Variants in MBD5 observed in about 807,000 individuals in gnomAD.
The protein encoded by MBD5 is methyl-CpG binding domain protein 5.
Under a neutral mutation model 117.3 loss-of-function variants are expected in MBD5, and 13 were observed. That is an observed-to-expected ratio of 0.11 (90% CI 0.07 to 0.18). MBD5 has a LOEUF of 0.18. Among genes scored for constraint, MBD5 ranks in the 10% least tolerant of loss-of-function variants. MBD5 has a pLI of 1.00. For synonymous variants in MBD5, 727 were observed against 766.4 expected, an observed-to-expected ratio of 0.95 and a Z score of 0.85; for missense variants, 1,879 against 2,093.8, an observed-to-expected ratio of 0.90 and a Z score of 2.00.
At chr2:148,215,743 A>T (rs1206071308) in intron 2 of MBD5, among the ~76,000 whole-genome samples, 1 of 148,682 alleles carries the variant, frequency 6.7e-6, no homozygotes, top group Non-Finnish European at 1.5e-5. Context: ...CGCTGATCTC[A>T]AACTCCTGGC....
intron 4 of MBD5, among the ~76,000 whole-genome samples, chr2:148,345,217 T>TAC (rs1553503434): frequency 9.2e-6 from 1 of 109,136 alleles, no homozygotes; most frequent in East Asian, 2.5e-4. Context: ...TATGTATATA[T>TAC]ACACACACAC....
chr2:148,089,954 G>A (rs893572451), intron 1 of MBD5, among the ~76,000 whole-genome samples: 2 of 151,816 alleles, frequency 1.3e-5, no homozygotes, highest in Non-Finnish European at 3.0e-5. Flanking sequence ...TAAGATTAAT[G>A]AAGAAAAGAG....
At chr2:148,088,947 G>A (rs960847920) in intron 1 of MBD5, among the ~76,000 whole-genome samples, 2 of 152,074 alleles carry the variant, frequency 1.3e-5, no homozygotes, top group Non-Finnish European at 2.9e-5. Flanking sequence ...AGTATCTGTT[G>A]TCTTCAAGAG....
At chr2:148,208,455 C>T (rs1421704884) in intron 2 of MBD5, among the ~76,000 whole-genome samples, 3 of 152,028 alleles carry the variant, frequency 2.0e-5, no homozygotes, top group African/African-American at 7.2e-5. Context: ...TGGAGTTTCA[C>T]CATGTTGGCC....
At chr2:148,293,630 T>C (rs1438528284) in intron 3 of MBD5, among the ~76,000 whole-genome samples, 1 of 152,220 alleles carries the variant, frequency 6.6e-6, no homozygotes, top group African/African-American at 2.4e-5. Context: ...TTTTCTTGTC[T>C]AGTTTCCTTG....
In MBD5 at chr2:148,458,632, A is replaced by G. The variant is rs377286525; in HGVS notation, c.-127A>G. 6.5e-5 allele frequency: 50 copies of G among 773,274 alleles called. No individual in the cohort carries two copies. Among genetic ancestry groups the G allele is most frequent in the African/African-American group, 5.8e-4 (34 of 58,670 alleles). The allele number at this position is 773,274 out of a possible 1,614,324, so 47.9% of individuals were successfully genotyped here. ...TTCCAAACTGAGCTGAAGCTTCCCA[A>G]TGCGTTTTGTACAGTCTGGGAAAAA... On this transcript the variant is annotated 5_prime_UTR_variant, in exon 5 of 14. An upstream start codon of the reference 5' UTR is lost. Transcript: ENST00000642680.
In MBD5 at chr2:148,515,417, T is replaced by G. The variant is rs1007764613; in HGVS notation, c.*2476T>G. On this transcript the variant is annotated 3_prime_UTR_variant, in exon 14 of 14. Transcript: ENST00000642680. ...AGTAGTTTCAGTCCACGTGGGTTTT[T>G]TTCATCTCTCTTAGAGTTATATGGT... 6.6e-6 allele frequency: 1 copy of G among 152,212 alleles called. No individual in the cohort carries two copies. The highest frequency in any genetic ancestry group is 1.5e-5 in the Non-Finnish European group (1 of 68,034). 9.4% of individuals were successfully genotyped at this position (152,212 alleles called of 1,614,324 possible). A position where few individuals can be genotyped will look rare whatever the true frequency, so the allele number is the denominator to read the frequency against.
chr2:148,502,043 C>T (rs774538815), intron 11 of MBD5, among the ~76,000 whole-genome samples: 62 of 152,226 alleles, frequency 4.1e-4, no homozygotes, highest in Non-Finnish European at 8.1e-4. Context: ...ACCCACTTCA[C>T]TAACTACCTC....
At chr2:148,511,163 T>A (rs2105284813) in intron 13 of MBD5, among the ~76,000 whole-genome samples, 1 of 152,290 alleles carries the variant, frequency 6.6e-6, no homozygotes, top group Non-Finnish European at 1.5e-5. Context: ...CTCCATTATA[T>A]CCTTTGCATT....
At chr2:148,133,722 C>T (rs1027195263) in intron 1 of MBD5, among the ~76,000 whole-genome samples, 7 of 152,128 alleles carry the variant, frequency 4.6e-5, no homozygotes, top group African/African-American at 1.4e-4. Flanking sequence ...ACTTGGGAGG[C>T]TGAGGCCGGA....
intron 4 of MBD5, among the ~76,000 whole-genome samples, chr2:148,418,778 C>G (rs1705503459): frequency 6.6e-6 from 1 of 151,974 alleles, no homozygotes; most frequent in Non-Finnish European, 1.5e-5. Flanking sequence ...AAAACAATAT[C>G]ATGAAAATGA....
chr2:148,167,849 T>C (rs1054927251), intron 1 of MBD5, among the ~76,000 whole-genome samples: 2 of 152,162 alleles, frequency 1.3e-5, no homozygotes, highest in Non-Finnish European at 1.5e-5. Context: ...GTTTGCTTGG[T>C]TTATTTTGTT....
chr2:148,372,770 G>A (rs1031629800), intron 4 of MBD5, among the ~76,000 whole-genome samples: 2 of 152,034 alleles, frequency 1.3e-5, no homozygotes, highest in African/African-American at 2.4e-5. Flanking sequence ...GTGGAAGAGA[G>A]TATAGTGGGC....
At chr2:148,115,916 C>G (rs1244186642) in intron 1 of MBD5, among the ~76,000 whole-genome samples, 1 of 152,062 alleles carries the variant, frequency 6.6e-6, no homozygotes, top group African/African-American at 2.4e-5. Context: ...GATCATGGCT[C>G]ACTGCAACCT....
chr2:148,116,632 A>G (rs1420846725), intron 1 of MBD5, among the ~76,000 whole-genome samples: 2 of 152,162 alleles, frequency 1.3e-5, no homozygotes, highest in Admixed American at 6.5e-5. Flanking sequence ...TTAGTAGTAT[A>G]GTTCTGCTTT....
At chr2:148,418,901 GA>G (rs1387585013) in intron 4 of MBD5, among the ~76,000 whole-genome samples, 2 of 151,954 alleles carry the variant, frequency 1.3e-5, no homozygotes, top group Non-Finnish European at 2.9e-5. Flanking sequence ...GACTAAAAAA[GA>G]GCCAGAATAG....
intron 1 of MBD5, among the ~76,000 whole-genome samples, chr2:148,066,141 AT>A (rs980860801): frequency 4.6e-5 from 7 of 151,904 alleles, no homozygotes; most frequent in Admixed American, 2.6e-4. Context: ...GTCTCCAAAA[AT>A]TTTTTTTAAA....
At chr2:148,507,144 G>T (rs1289123729) in intron 12 of MBD5, among the ~76,000 whole-genome samples, 1 of 152,146 alleles carries the variant, frequency 6.6e-6, no homozygotes, top group Non-Finnish European at 1.5e-5. Context: ...ATTAATGCAA[G>T]GTGTTTACAA....
intron 4 of MBD5, among the ~76,000 whole-genome samples, chr2:148,427,205 G>A (rs1043293026): frequency 6.6e-6 from 1 of 152,152 alleles, no homozygotes; most frequent in South Asian, 2.1e-4. Context: ...CTGTTGGTGG[G>A]ACTGTAAACT....
Sources: allele counts gnomAD v4.1 joint callset (sites outside exome capture counted in the v4.1 genomes callset), GRCh38; gene constraint gnomAD v4.1.1; transcripts MANE v1.5; gene names NCBI Gene and HGNC (gene_info 2026-07-23, HGNC 2026-07-21).